The following PTPRD variants were observed in gnomAD, a reference collection of about 807,000 sequenced individuals.
PTPRD encodes protein tyrosine phosphatase receptor type D.
Under a neutral mutation model 214.5 loss-of-function variants are expected in PTPRD, and 34 were observed. The observed-to-expected ratio is 0.16, with a 90% CI of 0.12 to 0.21. The LOEUF is 0.21. PTPRD is among the 10% of genes least tolerant of loss of function. The probability of loss-of-function intolerance (pLI) is 1.00; values close to 1 mark genes in which losing one functional copy is unlikely to be tolerated. For synonymous variants in PTPRD, 1,128 were observed against 845.7 expected, an observed-to-expected ratio of 1.33 and a Z score of -5.79; for missense variants, 2,545 against 2,398.7, an observed-to-expected ratio of 1.06 and a Z score of -1.27.
chr9:9,407,002 A>G (rs1384009559), intron 8 of PTPRD, among the ~76,000 whole-genome samples: 3 of 151,708 alleles, frequency 2.0e-5, no homozygotes, highest in Non-Finnish European at 4.4e-5. Context: ...TAAATTACTT[A>G]CCCTCTCTGA....
At position 9,738,090 on chromosome 9, in the gene PTPRD, C is replaced by T. The variant is rs374167058; in HGVS notation, c.-325-3519G>A. 3.0e-4 allele frequency among the ~76,000 whole-genome samples: 42 copies of T among 138,874 alleles called. No homozygotes were observed. In the East Asian group the frequency reaches 6.0e-3, roughly 20 times the overall value. 91.1% of individuals were successfully genotyped at this position (138,874 alleles called of 152,430 possible). A position where few individuals can be genotyped will look rare whatever the true frequency, so the allele number is the denominator to read the frequency against. On this transcript the variant is annotated intron_variant, in intron 6 of 45. Coordinates refer to ENST00000381196, the MANE Select transcript of PTPRD (RefSeq NM_002839.4). ...ACACAGGAAGGGGAACATCACACAC[C>T]GGGGCCTGTTGTGAGGTGGGGGGAT...
chr9:8,645,711 T>A (rs967850020), intron 12 of PTPRD, among the ~76,000 whole-genome samples: 1 of 146,950 alleles, frequency 6.8e-6, no homozygotes, highest in East Asian at 2.1e-4. Context: ...AGTGAAAAGA[T>A]TATCTCCCAC....
chr9:9,981,625 G>A (rs1014671532), intron 4 of PTPRD, among the ~76,000 whole-genome samples: 5 of 152,024 alleles, frequency 3.3e-5, no homozygotes, highest in Non-Finnish European at 7.4e-5. Flanking sequence ...CTCCCAAAGT[G>A]CTGGGATTAC....
chr9:10,108,480 C>T (rs1024256255), intron 3 of PTPRD, among the ~76,000 whole-genome samples: 4 of 151,992 alleles, frequency 2.6e-5, no homozygotes, highest in Non-Finnish European at 4.4e-5. Context: ...CAGCCCACCC[C>T]ATCCCAGCTT....
intron 7 of PTPRD, among the ~76,000 whole-genome samples, chr9:9,581,075 G>C (rs1563838393): frequency 1.3e-5 from 2 of 152,034 alleles, no homozygotes; most frequent in African/African-American, 4.8e-5. Context: ...ACCCAAAATT[G>C]TATCTTCATA....
At chr9:9,608,418 A>T (rs1271187074) in intron 7 of PTPRD, among the ~76,000 whole-genome samples, 1 of 152,150 alleles carries the variant, frequency 6.6e-6, no homozygotes, top group African/African-American at 2.4e-5. Flanking sequence ...CCAGTAAGGG[A>T]AAATTTCTAT....
chr9:8,438,053 G>C (rs1202059366), intron 34 of PTPRD, among the ~76,000 whole-genome samples: 1 of 152,180 alleles, frequency 6.6e-6, no homozygotes, highest in Non-Finnish European at 1.5e-5. Context: ...AGCAGGAAAA[G>C]AATGAGGGAG....
Position 10,441,875 on chromosome 9 carries a change from C to T in PTPRD, c.-599-100858G>A, listed in dbSNP as rs532268999. Among the ~76,000 whole-genome samples the T allele has an allele frequency of 3.3e-5, 5 of 151,652 alleles. No individual in the cohort carries two copies. The South Asian group carries it at 8.3e-4, about 25-fold the overall frequency. On this transcript the variant is annotated intron_variant, in intron 2 of 45. Coordinates refer to ENST00000381196, the MANE Select transcript of PTPRD (RefSeq NM_002839.4). ...TTATTTAATATTTGCATACATACTACCATACCTATTAGTAAATTACAATCA... is the reference window on the plus strand; with the variant it reads ...TTATTTAATATTTGCATACATACTATCATACCTATTAGTAAATTACAATCA...
At chr9:9,273,511 G>T (rs367713286) in intron 9 of PTPRD, among the ~76,000 whole-genome samples, 72 of 151,310 alleles carry the variant, frequency 4.8e-4, no homozygotes, top group African/African-American at 1.6e-3. Flanking sequence ...AAATATAGAA[G>T]ATAAAGTTGG....
intron 9 of PTPRD, among the ~76,000 whole-genome samples, chr9:9,324,354 G>C (rs1301833995): frequency 6.6e-6 from 1 of 152,098 alleles, no homozygotes; most frequent in African/African-American, 2.4e-5. Flanking sequence ...AGCACCTGTT[G>C]TTTCTTGACT....
chr9:9,273,398 GCT>G (rs1321339689), intron 9 of PTPRD, among the ~76,000 whole-genome samples: 6 of 151,174 alleles, frequency 4.0e-5, no homozygotes, highest in Non-Finnish European at 8.9e-5. Flanking sequence ...TCTTGAAATA[GCT>G]CTCTCTGTGT....
chr9:8,954,041 C>A (rs781648808), intron 11 of PTPRD, among the ~76,000 whole-genome samples: 1 of 151,958 alleles, frequency 6.6e-6, no homozygotes, highest in African/African-American at 2.4e-5. Context: ...GACACATGCA[C>A]TCATATGTTC....
intron 39 of PTPRD, among the ~76,000 whole-genome samples, chr9:8,350,121 A>G (rs755028064): frequency 1.3e-5 from 2 of 152,102 alleles, no homozygotes; most frequent in Non-Finnish European, 2.9e-5. Flanking sequence ...CACGAGTTGA[A>G]ACGGGCTTAA....
chr9:9,084,318 C>T lies in PTPRD; in HGVS notation c.-142-65583G>A, dbSNP rs1017111364. ...AATACAGGAACAGAAAACCAAACAC[C>T]GCATGTTCTCACTCATAAGTGGGAG... On this transcript the variant is annotated intron_variant, in intron 10 of 45. Transcript: ENST00000381196. 1.1e-4 allele frequency among the ~76,000 whole-genome samples: 17 copies of T among 152,164 alleles called. No homozygotes were observed. The South Asian group carries it at 1.5e-3, about 13-fold the overall frequency.
At chr9:9,124,954 G>C (rs1169170608) in intron 10 of PTPRD, among the ~76,000 whole-genome samples, 1 of 152,140 alleles carries the variant, frequency 6.6e-6, no homozygotes, top group Non-Finnish European at 1.5e-5. Context: ...TATAACAAGA[G>C]ACTGCTGTAT....
intron 11 of PTPRD, among the ~76,000 whole-genome samples, chr9:8,820,396 T>C (rs937036273): frequency 2.0e-5 from 3 of 152,110 alleles, no homozygotes; most frequent in African/African-American, 7.2e-5. Context: ...ATAACAGCTT[T>C]TTATTGAAGA....
chr9:8,562,770 A>T (rs1164745289), intron 14 of PTPRD, among the ~76,000 whole-genome samples: 4 of 151,998 alleles, frequency 2.6e-5, no homozygotes, highest in African/African-American at 9.7e-5. Context: ...TTTTAATGCA[A>T]TGTAGGTTAT....
intron 33 of PTPRD, 72 bp from the exon 34 acceptor site, chr9:8,449,909 C>A: frequency 7.1e-7 from 1 of 1,409,244 alleles, no homozygotes; most frequent in Non-Finnish European, 9.9e-7. Context: ...CAGAGAATTG[C>A]ACCTGCACTC....
At chr9:9,832,886 T>C (rs1297473124) in intron 5 of PTPRD, among the ~76,000 whole-genome samples, 2 of 143,944 alleles carry the variant, frequency 1.4e-5, no homozygotes, top group Non-Finnish European at 3.0e-5. Context: ...GGAAGCTTTT[T>C]TTCTATGTTT....
Sources: gnomAD v4.1 joint callset for allele counts (sites outside exome capture counted in the v4.1 genomes callset) on GRCh38, gnomAD v4.1.1 for gene constraint, MANE v1.5 for transcripts, NCBI Gene and HGNC (gene_info 2026-07-23, HGNC 2026-07-21) for gene names.